Variants in AGPAT3 observed in about 807,000 individuals in gnomAD.
AGPAT3 encodes the protein 1-acylglycerol-3-phosphate O-acyltransferase 3, also known as 1-acyl-sn-glycerol-3-phosphate acyltransferase gamma.
Under a neutral mutation model 47.3 loss-of-function variants are expected in AGPAT3, and 5 were observed. That is an observed-to-expected ratio of 0.11 (90% confidence interval 0.06 to 0.22). The LOEUF (loss-of-function observed/expected upper bound fraction) is 0.22, where lower values mean the gene tolerates loss of function less well. Among genes scored for constraint, AGPAT3 ranks in the 10% least tolerant of loss-of-function variants. The pLI, the probability that AGPAT3 is intolerant of heterozygous loss-of-function variation, is 1.00. For missense variants in AGPAT3, 315 were observed against 493.0 expected, an observed-to-expected ratio of 0.64 and a Z score of 3.42; for synonymous variants, 212 against 208.3, an observed-to-expected ratio of 1.02 and a Z score of -0.15.
At chr21:43,944,374 G>A (rs1011141239) in intron 2 of AGPAT3, among the ~76,000 whole-genome samples, 12 of 152,254 alleles carry the variant, frequency 7.9e-5, no homozygotes, top group African/African-American at 2.7e-4. Flanking sequence ...GGAGCAGAGA[G>A]AGAGAGGGAA....
In AGPAT3 at chr21:43,952,538, C is replaced by A. The variant is rs1201873669; in HGVS notation, c.-48-7096C>A. Among the ~76,000 whole-genome samples, 1 of 152,130 alleles carries A rather than the reference C, an allele frequency of 6.6e-6. No individual in the cohort carries two copies. Among genetic ancestry groups the A allele is most frequent in the Non-Finnish European group, 1.5e-5 (1 of 68,016 alleles). On this transcript the variant is annotated intron_variant, in intron 2 of 9. Transcript: ENST00000291572. This position sits in a 1 kb window ranked among gnomAD's most constrained non-coding sequence, Gnocchi z 5.6. ...CGTGCCTCACCTTTGCTCCCCTGAT[C>A]TAAGAAGGTGCACACCCCGGTAGCT...
intron 5 of AGPAT3, among the ~76,000 whole-genome samples, chr21:43,969,545 C>T (rs1304378933): frequency 6.6e-6 from 1 of 152,222 alleles, no homozygotes; most frequent in African/African-American, 2.4e-5. Context: ...AGCAGGGTGC[C>T]CCCAGTGAGC....
chr21:43,950,474 T>C (rs1205480072), intron 2 of AGPAT3, among the ~76,000 whole-genome samples: 1 of 152,230 alleles, frequency 6.6e-6, no homozygotes, highest in East Asian at 1.9e-4. Context: ...AATAGGATTG[T>C]GTTTGTTTCA....
rs943000416 is a variant in AGPAT3, at chr21:43,981,316, C to A, written c.1042+129C>A. The A allele has an allele frequency of 4.6e-5, 47 of 1,011,044 alleles. No individual in the cohort carries two copies. Among genetic ancestry groups the A allele is most frequent in the Non-Finnish European group, 6.4e-5 (43 of 671,658 alleles). 62.6% of individuals were successfully genotyped at this position (1,011,044 alleles called of 1,614,324 possible). ...GGCCTGGCTGTTATGGACCCTGGAG[C>A]CAGGATCCCCCCACGGCCTGCGGGC... On this transcript the variant is annotated intron_variant, in intron 9 of 9. Coordinates refer to ENST00000291572, the MANE Select transcript of AGPAT3 (RefSeq NM_020132.5). The surrounding 1 kb of genome is among the most constrained non-coding windows in gnomAD (Gnocchi z 5.3).
intron 2 of AGPAT3, among the ~76,000 whole-genome samples, chr21:43,921,439 G>C (rs1236922333): frequency 6.6e-6 from 1 of 152,172 alleles, no homozygotes; most frequent in Non-Finnish European, 1.5e-5. Flanking sequence ...CAGGAGCACA[G>C]GTCACAAGCT....
chr21:43,868,341 A>G (rs937414006), intron 1 of AGPAT3, among the ~76,000 whole-genome samples: 7 of 152,154 alleles, frequency 4.6e-5, no homozygotes, highest in Middle Eastern at 6.3e-3. Flanking sequence ...TGAAAGCAAC[A>G]CAACTATCCT....
chr21:43,926,918 G>A (rs1013844071), intron 2 of AGPAT3, among the ~76,000 whole-genome samples: 2 of 148,474 alleles, frequency 1.3e-5, no homozygotes, highest in Non-Finnish European at 3.0e-5. Flanking sequence ...GGTGGAGGTT[G>A]CAGTGAGCCA....
intron 2 of AGPAT3, among the ~76,000 whole-genome samples, chr21:43,949,144 G>A (rs1010906283): frequency 5.9e-5 from 9 of 152,190 alleles, no homozygotes; most frequent in African/African-American, 9.6e-5. Context: ...TTCTGGGGCT[G>A]GGGGGGAGCT....
At chr21:43,879,762 G>A (rs921399600) in intron 1 of AGPAT3, among the ~76,000 whole-genome samples, 3 of 152,312 alleles carry the variant, frequency 2.0e-5, no homozygotes, top group Non-Finnish European at 2.9e-5. Context: ...TGGCTGGGCC[G>A]CCCGGGGATG....
At position 43,913,667 on chromosome 21, in the gene AGPAT3, G is replaced by A. The variant is rs529497360; in HGVS notation, c.-49+9648G>A. On this transcript the variant is annotated intron_variant, in intron 2 of 9. Transcript: ENST00000291572. The stretch of plus-strand genomic sequence containing the variant: ...GTCCTTAACTGGGGTGACTCCCTTT[G>A]TCCCTTGGCGGACATTTGGCAATGG... Among the ~76,000 whole-genome samples the A allele has an allele frequency of 7.9e-5, 12 of 152,332 alleles. No homozygotes were observed. The East Asian group carries it at 2.1e-3, about 27-fold the overall frequency.
chr21:43,971,172 C>G (rs1601460768), intron 6 of AGPAT3, among the ~76,000 whole-genome samples: 1 of 152,172 alleles, frequency 6.6e-6, no homozygotes, highest in African/African-American at 2.4e-5. Context: ...GAAACGTCAG[C>G]CACTAAATGC....
In AGPAT3 at chr21:43,955,584, G is replaced by A. The variant is rs748592074; in HGVS notation, c.-48-4050G>A. 2.6e-5 allele frequency among the ~76,000 whole-genome samples: 4 copies of A among 151,850 alleles called. No individual in the cohort carries two copies. Among genetic ancestry groups the A allele is most frequent in the Admixed American group, 2.0e-4 (3 of 15,258 alleles). ...GCTCAGATTACAGGTGTGAGCCACC[G>A]CGCCCGGCTGAGAATCTGATTTTTA... On this transcript the variant is annotated intron_variant, in intron 2 of 9. Coordinates refer to ENST00000291572, the MANE Select transcript of AGPAT3 (RefSeq NM_020132.5). This position sits in a 1 kb window ranked among gnomAD's most constrained non-coding sequence, Gnocchi z 4.1.
intron 7 of AGPAT3, among the ~76,000 whole-genome samples, chr21:43,976,612 T>G (rs943352593): frequency 6.6e-6 from 1 of 152,272 alleles, no homozygotes; most frequent in African/African-American, 2.4e-5. Context: ...AAGAAAACTC[T>G]TCAGACACAT....
At chr21:43,907,196 C>CT (rs1450607821) in intron 2 of AGPAT3, among the ~76,000 whole-genome samples, 4 of 151,896 alleles carry the variant, frequency 2.6e-5, no homozygotes, top group Admixed American at 2.6e-4. Flanking sequence ...CCACACGCGG[C>CT]TTTTTTATTT....
At chr21:43,977,145 C>G (rs1282530012) in intron 7 of AGPAT3, among the ~76,000 whole-genome samples, 3 of 152,138 alleles carry the variant, frequency 2.0e-5, no homozygotes, top group African/African-American at 4.8e-5. Context: ...AACTTGTGGG[C>G]TGCTAATCCA....
At chr21:43,937,205 A>T (rs1317954472) in intron 2 of AGPAT3, among the ~76,000 whole-genome samples, 2 of 152,308 alleles carry the variant, frequency 1.3e-5, no homozygotes, top group East Asian at 3.9e-4. Context: ...GGTACCCATG[A>T]GTGACTTTTG....
chr21:43,960,203 C>G (rs1182101099), intron 3 of AGPAT3, among the ~76,000 whole-genome samples: 1 of 152,210 alleles, frequency 6.6e-6, no homozygotes, highest in Non-Finnish European at 1.5e-5. Context: ...TGTGTCCTGC[C>G]CACACTGCGC....
chr21:43,937,264 T>C (rs1263616788), intron 2 of AGPAT3, among the ~76,000 whole-genome samples: 1 of 152,216 alleles, frequency 6.6e-6, no homozygotes, highest in Non-Finnish European at 1.5e-5. Flanking sequence ...TCCCTAGATA[T>C]GTGTGAGTCC....
chr21:43,866,268 T>C (rs1435696516), intron 1 of AGPAT3, among the ~76,000 whole-genome samples: 1 of 151,464 alleles, frequency 6.6e-6, no homozygotes, highest in Non-Finnish European at 1.5e-5. Flanking sequence ...TTCTTTTTCC[T>C]GGGAAACATG....
Sources: gnomAD v4.1 joint callset for allele counts (sites outside exome capture counted in the v4.1 genomes callset) on GRCh38, gnomAD v4.1.1 for gene constraint, Gnocchi (gnomAD v3.1) non-coding constraint, MANE v1.5 for transcripts, NCBI Gene and HGNC (gene_info 2026-07-23, HGNC 2026-07-21) for gene names.